The following BCAS3 variants were observed in gnomAD, a reference collection of about 807,000 sequenced individuals.
The protein encoded by BCAS3 is BCAS4/BCAS3 fusion.
BCAS3 carries 53 observed loss-of-function variants against 116.1 expected under a neutral mutation model. The ratio of observed to expected loss-of-function variants is 0.46; its 90% CI spans 0.37 to 0.57. BCAS3 has a LOEUF of 0.57. BCAS3 is among the 20% of genes least tolerant of loss of function. BCAS3 has a pLI of 0.00. For missense variants in BCAS3, 917 were observed against 1,165.4 expected, an observed-to-expected ratio of 0.79 and a Z score of 3.10; for synonymous variants, 391 against 408.2, an observed-to-expected ratio of 0.96 and a Z score of 0.51.
chr17:61,311,912 A>G (rs1459082987), intron 22 of BCAS3, among the ~76,000 whole-genome samples: 5 of 152,152 alleles, frequency 3.3e-5, no homozygotes, highest in African/African-American at 4.8e-5. Context: ...GCATATATAT[A>G]TATGACAGAA....
intron 7 of BCAS3, chr17:60,810,613 A>C (rs913614891): frequency 5.7e-6 from 4 of 707,122 alleles, no homozygotes; most frequent in African/African-American, 3.5e-5. Flanking sequence ...CAGTGCCTGC[A>C]TCGTTCTGCA....
intron 7 of BCAS3, among the ~76,000 whole-genome samples, chr17:60,809,087 C>T (rs2048546803): frequency 6.6e-6 from 1 of 151,994 alleles, no homozygotes; most frequent in Admixed American, 6.6e-5. Flanking sequence ...AGATTGAGAC[C>T]AGCCTTGCCA....
chr17:60,687,184 T>A (rs1037780754), intron 3 of BCAS3, among the ~76,000 whole-genome samples: 1 of 152,216 alleles, frequency 6.6e-6, no homozygotes, highest in Non-Finnish European at 1.5e-5. Context: ...ATAAATCTTT[T>A]CAGTAGTGAG....
In BCAS3 at chr17:61,347,882, C is replaced by T. The variant is rs962796228; in HGVS notation, c.2426-20445C>T. ...CAGATGCACAGACACAGGGGCAAGG[C>T]GCAAGGTGGGGTGTAGCGTTCAGAG... On this transcript the variant is annotated intron_variant, in intron 22 of 23. Coordinates refer to ENST00000407086, the MANE Select transcript of BCAS3 (RefSeq NM_017679.5). This position sits in a 1 kb window ranked among gnomAD's most constrained non-coding sequence, Gnocchi z 4.3. Among the ~76,000 whole-genome samples, 4 of 152,062 alleles carry T rather than the reference C, an allele frequency of 2.6e-5. No individual in the cohort carries two copies. Among genetic ancestry groups the T allele is most frequent in the African/African-American group, 7.2e-5 (3 of 41,380 alleles).
chr17:61,083,060 G>A lies in BCAS3; in HGVS notation c.2328-1407G>A, dbSNP rs1360882308. Among the ~76,000 whole-genome samples, 1 of 152,058 alleles carries A rather than the reference G, an allele frequency of 6.6e-6. No homozygotes were observed. The highest frequency in any genetic ancestry group is 1.5e-5 in the Non-Finnish European group (1 of 68,022). On this transcript the variant is annotated intron_variant, in intron 21 of 23. Transcript: ENST00000407086. This position sits in a 1 kb window ranked among gnomAD's most constrained non-coding sequence, Gnocchi z 4.9. ...TCAGCCAAATCATGCACTTCAAGAT[G>A]CCCTGAATCTATCGTATTCAGTCAC... is the stretch of plus-strand genomic sequence containing the variant.
At chr17:61,194,509 C>T (rs761968077) in intron 22 of BCAS3, among the ~76,000 whole-genome samples, 2 of 151,992 alleles carry the variant, frequency 1.3e-5, no homozygotes, top group Admixed American at 6.6e-5. Context: ...GAGGCCAAGG[C>T]GGGTGGATCA....
chr17:61,372,901 G>GATATAA (rs201821458), intron 23 of BCAS3, among the ~76,000 whole-genome samples: 1,708 of 152,228 alleles, frequency 0.011, 31 homozygotes, highest in African/African-American at 0.039. Flanking sequence ...TCTAGGTAAA[G>GATATAA]ATATAACTTA....
rs1568752127 is a variant in BCAS3 at position 61,285,100 on chromosome 17, C to G, written c.2426-83227C>G. Among the ~76,000 whole-genome samples the G allele has an allele frequency of 1.3e-5, 2 of 152,090 alleles. No homozygotes were observed. The highest frequency in any genetic ancestry group is 6.6e-5 in the Admixed American group (1 of 15,266). On this transcript the variant is annotated intron_variant, in intron 22 of 23. Transcript: ENST00000407086. This position sits in a 1 kb window ranked among gnomAD's most constrained non-coding sequence, Gnocchi z 5.4. ...TGCTAACCTCGGGGTCTCTTCTGTC[C>G]CCTAGTGATTCAAACCAGCTATCCT...
chr17:60,988,790 A>C (rs1180037713), intron 14 of BCAS3, among the ~76,000 whole-genome samples: 1 of 150,836 alleles, frequency 6.6e-6, no homozygotes, highest in African/African-American at 2.4e-5. Context: ...TTTTTTTCTT[A>C]GTTCAGCTAA....
chr17:61,386,811 T>C (rs1421634415), intron 23 of BCAS3, among the ~76,000 whole-genome samples: 11 of 149,918 alleles, frequency 7.3e-5, no homozygotes, highest in African/African-American at 2.5e-4. Flanking sequence ...TTTTTTTTTT[T>C]TTGAGATGCC....
At chr17:61,345,355 TTAAAG>T (rs2057444753) in intron 22 of BCAS3, among the ~76,000 whole-genome samples, 2 of 152,160 alleles carry the variant, frequency 1.3e-5, no homozygotes, top group African/African-American at 4.8e-5. Context: ...TGCTGAATCT[TTAAAG>T]GAAAGAATGA....
intron 22 of BCAS3, among the ~76,000 whole-genome samples, chr17:61,163,285 G>A (rs1056616401): frequency 4.8e-5 from 7 of 146,018 alleles, no homozygotes; most frequent in Non-Finnish European, 7.6e-5. Flanking sequence ...TTAGCCGGGC[G>A]TGGTGGTGGG....
intron 22 of BCAS3, among the ~76,000 whole-genome samples, chr17:61,360,363 T>G (rs911832902): frequency 6.6e-6 from 1 of 152,236 alleles, no homozygotes; most frequent in African/African-American, 2.4e-5. Flanking sequence ...ACAACAGCTC[T>G]GGAAGCCAAA....
At chr17:60,756,169 A>G (rs983246935) in intron 6 of BCAS3, among the ~76,000 whole-genome samples, 4 of 152,142 alleles carry the variant, frequency 2.6e-5, no homozygotes, top group African/African-American at 7.2e-5. Flanking sequence ...ATCATCAGGC[A>G]TTAGTTAGAT....
chr17:60,925,331 A>G (rs780171827), intron 13 of BCAS3, among the ~76,000 whole-genome samples: 11 of 152,178 alleles, frequency 7.2e-5, no homozygotes, highest in Non-Finnish European at 1.2e-4. Flanking sequence ...GTTTGTTTCT[A>G]AACTTCGTAA....
chr17:60,713,181 G>A (rs1307974988), intron 5 of BCAS3, among the ~76,000 whole-genome samples: 1 of 152,164 alleles, frequency 6.6e-6, no homozygotes, highest in East Asian at 1.9e-4. Flanking sequence ...GACTTCTGAG[G>A]CCTTTTAATT....
At chr17:60,766,161 T>A (rs1466702970) in intron 6 of BCAS3, among the ~76,000 whole-genome samples, 8 of 152,174 alleles carry the variant, frequency 5.3e-5, no homozygotes, top group African/African-American at 1.4e-4. Context: ...AAGTTTATTA[T>A]TACCGACTTT....
intron 22 of BCAS3, among the ~76,000 whole-genome samples, chr17:61,342,470 A>G (rs1361412258): frequency 1.3e-5 from 2 of 152,138 alleles, no homozygotes; most frequent in African/African-American, 4.8e-5. Context: ...TAAGAACGCC[A>G]TTCCCTTCTT....
At chr17:60,918,883 C>T (rs796825194) in intron 12 of BCAS3, among the ~76,000 whole-genome samples, 12 of 152,020 alleles carry the variant, frequency 7.9e-5, no homozygotes, top group African/African-American at 2.2e-4. Flanking sequence ...TTAGTAGAGA[C>T]GGAGTTTCAC....
Sources: gnomAD v4.1 joint callset for allele counts (sites outside exome capture counted in the v4.1 genomes callset) on GRCh38, gnomAD v4.1.1 for gene constraint, Gnocchi (gnomAD v3.1) non-coding constraint, MANE v1.5 for transcripts, NCBI Gene and HGNC (gene_info 2026-07-23, HGNC 2026-07-21) for gene names.